CNTN5: variants seen among roughly 807,000 people sequenced by gnomAD.
CNTN5 encodes contactin-5.
Under a neutral mutation model 129.1 loss-of-function variants are expected in CNTN5, and 77 were observed. The observed-to-expected ratio is 0.60, with a 90% CI of 0.50 to 0.72. CNTN5 has a LOEUF of 0.72. Ranked by LOEUF, CNTN5 falls within the 30% of genes least tolerant of loss-of-function variation. The pLI is 0.00. For synonymous variants in CNTN5, 509 were observed against 465.6 expected (o/e 1.09, Z -1.20); for missense variants, 1,478 against 1,328.8 (o/e 1.11, Z -1.75).
At chr11:99,573,400 C>G (rs568321580) in intron 3 of CNTN5, among the ~76,000 whole-genome samples, 1 of 151,706 alleles carries the variant, frequency 6.6e-6, no homozygotes, top group Non-Finnish European at 1.5e-5. Context: ...GAAACCCCGT[C>G]TCTACTAAAA....
chr11:99,224,966 G>T (rs1860603302), intron 1 of CNTN5, among the ~76,000 whole-genome samples: 1 of 152,054 alleles, frequency 6.6e-6, no homozygotes, highest in Non-Finnish European at 1.5e-5. Context: ...ATTAATTTTG[G>T]AGGGACTAGC....
At chr11:99,774,989 G>GT (rs1945075391) in intron 3 of CNTN5, among the ~76,000 whole-genome samples, 1 of 151,994 alleles carries the variant, frequency 6.6e-6, no homozygotes, top group African/African-American at 2.4e-5. Context: ...CTTTGGTTTG[G>GT]TTCAGGTCTG....
intron 16 of CNTN5, among the ~76,000 whole-genome samples, chr11:100,237,334 C>A (rs562207626): frequency 1.3e-5 from 2 of 152,208 alleles, no homozygotes; most frequent in South Asian, 4.1e-4. Flanking sequence ...ATTCCCCAAT[C>A]GTACTTTATT....
chr11:99,496,041 C>G (rs1187604029), intron 2 of CNTN5, among the ~76,000 whole-genome samples: 1 of 152,098 alleles, frequency 6.6e-6, no homozygotes, highest in East Asian at 1.9e-4. Flanking sequence ...TTTAAAATGT[C>G]TATGGTATAT....
At chr11:100,115,173 T>C (rs898483948) in intron 13 of CNTN5, among the ~76,000 whole-genome samples, 3 of 144,694 alleles carry the variant, frequency 2.1e-5, no homozygotes, top group African/African-American at 7.6e-5. Context: ...TAATGTGGCA[T>C]AAACCTGGTT....
chr11:99,381,117 T>C (rs1451814255), intron 2 of CNTN5, among the ~76,000 whole-genome samples: 5 of 151,048 alleles, frequency 3.3e-5, no homozygotes, highest in East Asian at 3.9e-4. Flanking sequence ...AAGTGACATA[T>C]ACCAGCAAAT....
intron 2 of CNTN5, among the ~76,000 whole-genome samples, chr11:99,537,636 C>A (rs1447449556): frequency 6.6e-6 from 1 of 152,146 alleles, no homozygotes; most frequent in Non-Finnish European, 1.5e-5. Flanking sequence ...ACCATCACAA[C>A]CACAAAAACT....
chr11:99,636,079 A>G (rs920933107), intron 3 of CNTN5, among the ~76,000 whole-genome samples: 2 of 135,628 alleles, frequency 1.5e-5, no homozygotes, highest in African/African-American at 5.7e-5. Flanking sequence ...CTATATAACT[A>G]GGAAAGCATT....
At chr11:100,007,551 A>C (rs1940273054) in intron 9 of CNTN5, among the ~76,000 whole-genome samples, 1 of 152,050 alleles carries the variant, frequency 6.6e-6, no homozygotes, top group African/African-American at 2.4e-5. Flanking sequence ...AAACCTTATA[A>C]ACCAGCCTCT....
At chr11:99,142,427 G>A (rs1230357974) in intron 1 of CNTN5, among the ~76,000 whole-genome samples, 1 of 152,064 alleles carries the variant, frequency 6.6e-6, no homozygotes, top group Non-Finnish European at 1.5e-5. Context: ...ATGGAGGGAG[G>A]CCTGACCACA....
intron 13 of CNTN5, among the ~76,000 whole-genome samples, chr11:100,144,832 A>G (rs1409137028): frequency 6.6e-6 from 1 of 151,876 alleles, no homozygotes; most frequent in African/African-American, 2.4e-5. Flanking sequence ...TATAATGTTA[A>G]AAAATTGATT....
At position 100,344,200 on chromosome 11, in the gene CNTN5, G is replaced by T. The variant is rs545549304; in HGVS notation, c.3030+2995G>T. On this transcript the variant is annotated intron_variant, in intron 23 of 24. Transcript: ENST00000524871. ...TGAGAACTTGGGATTAATGCCTGAG[G>T]TTTAAAATGCAGGGAATATATATTC... 2.0e-4 allele frequency among the ~76,000 whole-genome samples: 31 copies of T among 152,170 alleles called. 2 individuals carry two copies. Among genetic ancestry groups the T allele is most frequent in the African/African-American group, 6.0e-4 (25 of 41,518 alleles).
intron 20 of CNTN5, 122 bp downstream of exon 20, chr11:100,299,518 A>C: frequency 2.1e-5 from 12 of 573,050 alleles, no homozygotes; most frequent in Non-Finnish European, 3.3e-5. Flanking sequence ...TCATAATCTC[A>C]CTAAACTTTT....
intron 10 of CNTN5, among the ~76,000 whole-genome samples, chr11:100,062,317 G>A (rs949637795): frequency 3.3e-5 from 5 of 152,094 alleles, no homozygotes; most frequent in African/African-American, 1.2e-4. Context: ...AAAGCTTAAT[G>A]CCCTTTACAG....
chr11:99,911,788 C>G lies in CNTN5; in HGVS notation c.578-4266C>G, dbSNP rs189431361. 7.7e-4 allele frequency among the ~76,000 whole-genome samples: 117 copies of G among 151,348 alleles called. 1 individual carries two copies. In the East Asian group the frequency reaches 0.018, roughly 24 times the overall value. ...TTTCTGAGTAGTTTGCCAAGTTTCT[C>G]TGCCAACTCTATTACCACGTGTTAT... is the stretch of plus-strand genomic sequence containing the variant. On this transcript the variant is annotated intron_variant, in intron 6 of 24. Transcript: ENST00000524871.
intron 13 of CNTN5, among the ~76,000 whole-genome samples, chr11:100,183,799 A>C (rs1289295827): frequency 6.6e-6 from 1 of 152,156 alleles, no homozygotes; most frequent in Admixed American, 6.6e-5. Context: ...AGTTGTTGAA[A>C]AATGTTAATA....
intron 8 of CNTN5, among the ~76,000 whole-genome samples, chr11:100,000,629 A>G (rs12282593): frequency 0.38 from 58,049 of 151,970 alleles, 12,721 homozygotes; most frequent in African/African-American, 0.6. Flanking sequence ...CCAGTAAACA[A>G]TACCCCAGTG....
chr11:100,214,239 A>C (rs961245659), intron 15 of CNTN5, among the ~76,000 whole-genome samples: 5 of 152,146 alleles, frequency 3.3e-5, no homozygotes, highest in Non-Finnish European at 7.4e-5. Flanking sequence ...TCTTTCTTTT[A>C]AAATGTCTGC....
At chr11:99,681,776 T>C (rs1423018493) in intron 3 of CNTN5, among the ~76,000 whole-genome samples, 4 of 152,074 alleles carry the variant, frequency 2.6e-5, no homozygotes, top group African/African-American at 9.7e-5. Context: ...CCCTTAGATC[T>C]ATATATTGAA....
Sources: allele counts gnomAD v4.1 joint callset (sites outside exome capture counted in the v4.1 genomes callset), GRCh38; gene constraint gnomAD v4.1.1; transcripts MANE v1.5; gene names NCBI Gene and HGNC (gene_info 2026-07-23, HGNC 2026-07-21).